The following COMMD10 variants were observed in gnomAD, a reference collection of about 807,000 sequenced individuals.
COMMD10 encodes COMM domain containing 10, also known as COMM domain-containing protein 10.
A neutral mutation model predicts 28.9 loss-of-function variants in COMMD10; 33 were observed. The ratio of observed to expected loss-of-function variants is 1.14; its 90% confidence interval spans 0.87 to 1.53. The LOEUF is 1.53. COMMD10 is among the 40% of genes most tolerant of loss of function. COMMD10 has a pLI of 0.00. For missense variants in COMMD10, 310 were observed against 233.4 expected, an observed-to-expected ratio of 1.33 and a Z score of -2.14; for synonymous variants, 110 against 81.7, an observed-to-expected ratio of 1.35 and a Z score of -1.87.
chr5:116,173,123 A>G (rs1753392326), intron 5 of COMMD10, among the ~76,000 whole-genome samples: 1 of 152,130 alleles, frequency 6.6e-6, no homozygotes, highest in Admixed American at 6.6e-5. Context: ...AGGTTAAGGT[A>G]AAGTCATATA....
At chr5:116,188,783 C>T (rs1405283898) in intron 5 of COMMD10, among the ~76,000 whole-genome samples, 1 of 152,006 alleles carries the variant, frequency 6.6e-6, no homozygotes, top group African/African-American at 2.4e-5. Flanking sequence ...TGCACACCAC[C>T]ACACTTGACT....
intron 5 of COMMD10, among the ~76,000 whole-genome samples, chr5:116,236,355 T>C (rs1749660745): frequency 6.6e-6 from 1 of 151,776 alleles, no homozygotes; most frequent in African/African-American, 2.4e-5. Flanking sequence ...AGTACAAAAA[T>C]TAGCTGGTCA....
At chr5:116,163,051 A>G (rs887909195) in intron 5 of COMMD10, among the ~76,000 whole-genome samples, 1 of 152,070 alleles carries the variant, frequency 6.6e-6, no homozygotes, top group Non-Finnish European at 1.5e-5. Context: ...CCACTTCTTT[A>G]GAGGTTCAGA....
At chr5:116,219,775 C>T (rs1749198164) in intron 5 of COMMD10, among the ~76,000 whole-genome samples, 1 of 152,160 alleles carries the variant, frequency 6.6e-6, no homozygotes. Context: ...ATACCAAATA[C>T]TTTTCTGTGT....
chr5:116,195,809 A>C (rs1440223918), intron 5 of COMMD10, among the ~76,000 whole-genome samples: 1 of 152,142 alleles, frequency 6.6e-6, no homozygotes, highest in African/African-American at 2.4e-5. Flanking sequence ...AAATATAACA[A>C]ATGGCCAACA....
intron 5 of COMMD10, among the ~76,000 whole-genome samples, chr5:116,230,791 T>G (rs987699455): frequency 2.0e-5 from 3 of 152,106 alleles, no homozygotes; most frequent in African/African-American, 7.2e-5. Context: ...GTTCTTGAAG[T>G]TGCCTTGACA....
intron 4 of COMMD10, among the ~76,000 whole-genome samples, chr5:116,119,569 A>C (rs1282653836): frequency 6.6e-6 from 1 of 151,788 alleles, no homozygotes; most frequent in Admixed American, 6.6e-5. Flanking sequence ...TATATATTGT[A>C]TACCAGTCAT....
At chr5:116,241,977 G>GA (rs1178214507) in intron 5 of COMMD10, among the ~76,000 whole-genome samples, 1 of 152,058 alleles carries the variant, frequency 6.6e-6, no homozygotes, top group Non-Finnish European at 1.5e-5. Flanking sequence ...CAACTCATGT[G>GA]AAAAAATCCT....
At chr5:116,103,327 A>G (rs1445722512) in intron 4 of COMMD10, among the ~76,000 whole-genome samples, 8 of 152,196 alleles carry the variant, frequency 5.3e-5, no homozygotes, top group Admixed American at 4.6e-4. Flanking sequence ...CCTCTTCAGC[A>G]TCTGTTGTTT....
intron 5 of COMMD10, among the ~76,000 whole-genome samples, chr5:116,257,303 A>G (rs1004865334): frequency 6.6e-6 from 1 of 151,608 alleles, no homozygotes; most frequent in Non-Finnish European, 1.5e-5. Context: ...GGGATGCACA[A>G]CCTTTACAAA....
At chr5:116,244,899 C>A (rs1026861880) in intron 5 of COMMD10, among the ~76,000 whole-genome samples, 2 of 151,730 alleles carry the variant, frequency 1.3e-5, no homozygotes, top group African/African-American at 4.8e-5. Flanking sequence ...AGTTAACTTA[C>A]AACTTAACAT....
At chr5:116,264,518 C>G (rs755878762) in intron 5 of COMMD10, among the ~76,000 whole-genome samples, 3 of 151,802 alleles carry the variant, frequency 2.0e-5, no homozygotes, top group African/African-American at 7.3e-5. Context: ...TCAGTCTCCT[C>G]TGTTATTGGA....
chr5:116,145,035 T>C (rs1752301384), intron 5 of COMMD10, among the ~76,000 whole-genome samples: 1 of 151,802 alleles, frequency 6.6e-6, no homozygotes, highest in African/African-American at 2.4e-5. Context: ...CTTGTCTTCA[T>C]AGAGAAGAGT....
chr5:116,204,358 T>C (rs893705689), intron 5 of COMMD10, among the ~76,000 whole-genome samples: 4 of 152,210 alleles, frequency 2.6e-5, no homozygotes, highest in African/African-American at 9.6e-5. Context: ...GAATGGTTCA[T>C]ATAGGGAAAT....
rs184094117 is a variant in COMMD10, at chr5:116,267,412, A to G, written c.511-24105A>G. Among the ~76,000 whole-genome samples, 1,132 of 152,042 alleles carry G rather than the reference A, an allele frequency of 7.4e-3. 42 individuals are homozygous for G. The highest frequency in any genetic ancestry group is 0.026 in the African/African-American group (1,077 of 41,312). On this transcript the variant is annotated intron_variant, in intron 5 of 6. Transcript: ENST00000274458. ...ACAAGGGATGTGAAGGACCTCTTCA[A>G]GGAGAACTACAAACCACTGCTCAAC...
chr5:116,102,754 T>C (rs1750706541), intron 4 of COMMD10, among the ~76,000 whole-genome samples: 1 of 152,078 alleles, frequency 6.6e-6, no homozygotes, highest in Non-Finnish European at 1.5e-5. Context: ...GCCATAGTGG[T>C]TTGCTGCACC....
intron 5 of COMMD10, among the ~76,000 whole-genome samples, chr5:116,187,263 C>G (rs1748170277): frequency 6.6e-6 from 1 of 151,912 alleles, no homozygotes; most frequent in African/African-American, 2.4e-5. Context: ...TATCTGAAAG[C>G]CAAATGTTTA....
intron 5 of COMMD10, among the ~76,000 whole-genome samples, chr5:116,162,384 A>G (rs1752946629): frequency 6.6e-6 from 1 of 152,108 alleles, no homozygotes; most frequent in Admixed American, 6.5e-5. Context: ...CTTTTTTGCT[A>G]TAAACAGATG....
In COMMD10 at chr5:116,274,340, C is replaced by A. The variant is rs141303573; in HGVS notation, c.511-17177C>A. Among the ~76,000 whole-genome samples, 309 of 151,914 alleles carry A rather than the reference C, an allele frequency of 2.0e-3. 10 individuals are homozygous for A. Among genetic ancestry groups the A allele is most frequent in the African/African-American group, 7.2e-3 (297 of 41,254 alleles). ...TCTGTAAAACACCAAATAGTAAATT[C>A]TTTAAATTTGCAGACTATACAGCTC... On this transcript the variant is annotated intron_variant, in intron 5 of 6. Transcript: ENST00000274458.
Sources: gnomAD v4.1 joint callset for allele counts (sites outside exome capture counted in the v4.1 genomes callset) on GRCh38, gnomAD v4.1.1 for gene constraint, MANE v1.5 for transcripts, NCBI Gene and HGNC (gene_info 2026-07-23, HGNC 2026-07-21) for gene names.